Variants in RTN4R observed in about 807,000 individuals in gnomAD.
RTN4R encodes the protein reticulon 4 receptor.
In RTN4R, 4 loss-of-function variants were observed where a neutral mutation model predicts 27.7. That is an observed-to-expected ratio of 0.14 (90% CI 0.07 to 0.33). The LOEUF (loss-of-function observed/expected upper bound fraction) is 0.33, where lower values mean the gene tolerates loss of function less well. Ranked by LOEUF, RTN4R falls within the 10% of genes least tolerant of loss-of-function variation. The probability of loss-of-function intolerance (pLI) is 1.00; values close to 1 mark genes in which losing one functional copy is unlikely to be tolerated. For missense variants in RTN4R, 554 were observed against 671.5 expected, an observed-to-expected ratio of 0.83 and a Z score of 1.93; for synonymous variants, 290 against 305.6, an observed-to-expected ratio of 0.95 and a Z score of 0.53.
chr22:20,264,646 G>T (rs1222442324), intron 1 of RTN4R, among the ~76,000 whole-genome samples: 17 of 152,252 alleles, frequency 1.1e-4, no homozygotes, highest in Non-Finnish European at 1.5e-5. Context: ...TTTGAGGAGG[G>T]TGCCTGTGAC....
intron 1 of RTN4R, among the ~76,000 whole-genome samples, chr22:20,265,413 G>A (rs1485390573): frequency 6.6e-6 from 1 of 152,178 alleles, no homozygotes; most frequent in African/African-American, 2.4e-5. Context: ...GTCCTCCATG[G>A]ACCCTCCACA....
Position 20,246,568 on chromosome 22 carries a change from G to C in RTN4R, c.23-3458C>G, listed in dbSNP as rs189652039. On this transcript the variant is annotated intron_variant, in intron 1 of 1. Transcript: ENST00000043402. Reference sequence around the variant, plus strand: ...TGCCCAGCCATTGGGCAGGCAGGCGGCTGCTGAGGTCAGCAGCTCACCCCA... The same window carrying C: ...TGCCCAGCCATTGGGCAGGCAGGCGCCTGCTGAGGTCAGCAGCTCACCCCA... 9.6e-3 allele frequency among the ~76,000 whole-genome samples: 1,458 copies of C among 152,256 alleles called. 28 individuals carry two copies. Among genetic ancestry groups the C allele is most frequent in the African/African-American group, 0.031 (1,299 of 41,548 alleles).
chr22:20,243,551 G>A (rs568307080), intron 1 of RTN4R: 45 of 457,814 alleles, frequency 9.8e-5, no homozygotes, highest in South Asian at 6.3e-4. Context: ...ATGGGGCTGG[G>A]GTCCCTCTGG....
chr22:20,253,462 G>A (rs952126787), intron 1 of RTN4R, among the ~76,000 whole-genome samples: 6 of 152,222 alleles, frequency 3.9e-5, no homozygotes, highest in African/African-American at 1.4e-4. Flanking sequence ...AGAGTGAGGA[G>A]TGGGGAGCAC....
intron 1 of RTN4R, among the ~76,000 whole-genome samples, chr22:20,249,370 C>T (rs989126571): frequency 6.6e-6 from 1 of 152,226 alleles, no homozygotes; most frequent in Admixed American, 6.5e-5. Flanking sequence ...CCCACATCCA[C>T]TCCCATGGGC....
intron 1 of RTN4R, among the ~76,000 whole-genome samples, chr22:20,245,630 G>A (rs1569035462): frequency 6.6e-6 from 1 of 152,064 alleles, no homozygotes; most frequent in Non-Finnish European, 1.5e-5. Flanking sequence ...CCTGTCCCCT[G>A]GGCTCTGCAG....
intron 1 of RTN4R, chr22:20,249,257 C>T (rs368727321): frequency 4.7e-5 from 25 of 527,848 alleles, no homozygotes; most frequent in South Asian, 1.7e-4. Flanking sequence ...ACCCTGGGGA[C>T]GCACTCTGAG....
chr22:20,245,314 C>A (rs2051134135), intron 1 of RTN4R, among the ~76,000 whole-genome samples: 2 of 152,240 alleles, frequency 1.3e-5, no homozygotes, highest in Admixed American at 1.3e-4. Flanking sequence ...CTCCTCGCTG[C>A]AGCCATGGTA....
chr22:20,243,600 G>T (rs768067012), intron 1 of RTN4R: 7 of 432,056 alleles, frequency 1.6e-5, no homozygotes, highest in Non-Finnish European at 2.9e-5. Flanking sequence ...GATGCCCGAG[G>T]GCGGGGGTGG....
chr22:20,243,523 G>A (rs1481909940), intron 1 of RTN4R: 1 of 485,276 alleles, frequency 2.1e-6, no homozygotes, highest in Non-Finnish European at 4.2e-6. Context: ...CCACCCACAG[G>A]GCCTAGGAAA....
intron 1 of RTN4R, chr22:20,249,316 G>A (rs549915840): frequency 6.4e-6 from 3 of 468,144 alleles, no homozygotes; most frequent in South Asian, 3.0e-5. Context: ...ATGCCCATCT[G>A]CCTGCCTGAC....
In RTN4R at chr22:20,241,478, ATC is replaced by A. The variant is rs2051104946; in HGVS notation, c.*231_*232del. On this transcript the variant is annotated 3_prime_UTR_variant, in exon 2 of 2. Coordinates refer to ENST00000043402, the MANE Select transcript of RTN4R (RefSeq NM_023004.6). The stretch of plus-strand genomic sequence containing the variant: ...TTTACACAAGTAAAATAAAATGCAT[ATC>A]TCTATATACCGCGATCTGGGTGGGA... The A allele has an allele frequency of 1.0e-5, 6 of 579,300 alleles. No homozygotes were observed. Among genetic ancestry groups the A allele is most frequent in the South Asian group, 8.6e-5 (4 of 46,638 alleles). 35.9% of individuals were successfully genotyped at this position (579,300 alleles called of 1,614,324 possible).
At chr22:20,245,445 G>T (rs889722563) in intron 1 of RTN4R, among the ~76,000 whole-genome samples, 2 of 152,160 alleles carry the variant, frequency 1.3e-5, no homozygotes, top group African/African-American at 4.8e-5. Flanking sequence ...TGCAGCATGG[G>T]TTTGTCTTCA....
Position 20,242,076 on chromosome 22 carries a change from C to G in RTN4R, c.1057G>C (p.Ala353Pro). Reference protein sequence around the residue: ...KASVLEPGRPASAGNALKGRV... With the variant: ...KASVLEPGRPPSAGNALKGRV... ...CCCTTCAGCGCATTGCCTGCCGAAG[C>G]TGGTCTTCCAGGCTCCAGTACTGAG... Residue 353 changes from alanine to proline, a missense_variant, in exon 2 of 2, where the codon GCT becomes CCT. Transcript: ENST00000043402. 2 of 1,612,518 alleles carry G rather than the reference C, an allele frequency of 1.2e-6. No individual in the cohort carries two copies. Among genetic ancestry groups the G allele is most frequent in the Non-Finnish European group, 1.7e-6 (2 of 1,179,772 alleles).
intron 1 of RTN4R, among the ~76,000 whole-genome samples, chr22:20,244,213 G>C (rs1014278792): frequency 2.0e-5 from 3 of 152,274 alleles, no homozygotes; most frequent in Admixed American, 2.0e-4. Context: ...CTAAGAGCAG[G>C]ATTCTGCAGA....
In RTN4R at chr22:20,242,924, G is replaced by A. The variant is rs766056501; in HGVS notation, c.209C>T (p.Ser70Leu). The change falls in exon 2 of 2, where the codon TCG becomes TTG. Residue 70 changes from serine (S) to leucine (L), a missense_variant. Ser to Leu is a moderately radical substitution (Grantham distance 145). Transcript: ENST00000043402. Reference sequence around the variant, plus strand: ...ACGGAAGCTGGCAGCTGGCACATGCGAGATGCGGTTGCCGTGCAGGAAGAT... The same window carrying A: ...ACGGAAGCTGGCAGCTGGCACATGCAAGATGCGGTTGCCGTGCAGGAAGAT... Reference protein sequence around the residue: ...QRIFLHGNRISHVPAASFRAC... With the variant: ...QRIFLHGNRILHVPAASFRAC... The A allele has an allele frequency of 9.9e-6, 16 of 1,612,102 alleles. No homozygotes were observed. The highest frequency in any genetic ancestry group is 1.3e-5 in the African/African-American group (1 of 74,926).
At position 20,241,971 on chromosome 22, in the gene RTN4R, G is replaced by A. The variant is rs1199004641; in HGVS notation, c.1162C>T (p.Pro388Ser). Residue 388 changes from proline to serine, a missense_variant, in exon 2 of 2, where the codon CCT (proline) becomes TCT (serine). Pro to Ser is a moderately conservative substitution (Grantham distance 74). Transcript: ENST00000043402. ...HINDSPFGTL[P>S]GSAEPPLTAV... ...GTGAGCGGGGGCTCAGCAGAGCCAG[G>A]CAGAGTCCCAAAGGGTGAGTCATTG... 4 of 1,609,638 alleles carry A rather than the reference G, an allele frequency of 2.5e-6. No homozygotes were observed. Among genetic ancestry groups the A allele is most frequent in the Middle Eastern group, 1.6e-4 (1 of 6,062 alleles).
chr22:20,248,011 G>T (rs1481109509), intron 1 of RTN4R, among the ~76,000 whole-genome samples: 2 of 152,256 alleles, frequency 1.3e-5, no homozygotes, highest in African/African-American at 2.4e-5. Context: ...ACAACGAGAT[G>T]TAGGTAGGTC....
chr22:20,253,203 G>C (rs1159490767), intron 1 of RTN4R, among the ~76,000 whole-genome samples: 3 of 152,234 alleles, frequency 2.0e-5, no homozygotes, highest in African/African-American at 7.2e-5. Flanking sequence ...AAACCCACCT[G>C]GAGCCACTTC....
Sources: allele counts gnomAD v4.1 joint callset (sites outside exome capture counted in the v4.1 genomes callset), GRCh38; gene constraint gnomAD v4.1.1; transcripts MANE v1.5; gene names NCBI Gene and HGNC (gene_info 2026-07-23, HGNC 2026-07-21).